Variants in LRBA observed in about 807,000 individuals in gnomAD.
The protein encoded by LRBA is lipopolysaccharide-responsive and beige-like anchor protein.
A neutral mutation model predicts 330.0 loss-of-function variants in LRBA; 176 were observed. The observed-to-expected ratio is 0.53, with a 90% confidence interval of 0.47 to 0.60. The LOEUF is 0.60. Ranked by LOEUF, LRBA falls within the 20% of genes least tolerant of loss-of-function variation. The probability of loss-of-function intolerance (pLI) is 0.00; values close to 1 mark genes in which losing one functional copy is unlikely to be tolerated. For missense variants in LRBA, 3,259 were observed against 3,444.8 expected (o/e 0.95, Z 1.35); for synonymous variants, 1,230 against 1,193.0 (o/e 1.03, Z -0.64).
At chr4:150,865,980 T>C (rs1467872140) in intron 22 of LRBA, among the ~76,000 whole-genome samples, 3 of 152,150 alleles carry the variant, frequency 2.0e-5, no homozygotes, top group Non-Finnish European at 4.4e-5. Context: ...CCTCCCAAAG[T>C]GCTGGGATTA....
intron 42 of LRBA, among the ~76,000 whole-genome samples, chr4:150,487,466 C>A (rs572680350): frequency 3.6e-4 from 55 of 151,386 alleles, no homozygotes; most frequent in African/African-American, 1.0e-3. Flanking sequence ...AGACACCATA[C>A]CCTATGCTAG....
intron 20 of LRBA, 117 bp downstream of exon 20, chr4:150,870,408 C>A: frequency 2.9e-6 from 2 of 695,318 alleles, no homozygotes; most frequent in East Asian, 2.6e-5. Context: ...TATCATCACC[C>A]TTAATGAAAC....
chr4:150,282,446 T>G lies in LRBA; in HGVS notation c.8316+4A>C. 1.2e-6 allele frequency: 2 copies of G among 1,612,836 alleles called. No homozygotes were observed. The highest frequency in any genetic ancestry group is 2.2e-5 in the South Asian group (2 of 90,766). On this transcript the variant is annotated splice_donor_region_variant and intron_variant, in intron 55 of 56. Coordinates refer to ENST00000651943, the MANE Select transcript of LRBA (RefSeq NM_001364905.1). The stretch of plus-strand genomic sequence containing the variant: ...GAATGCTGAAGAGTCCCCAGGGCAC[T>G]CACTCTTATGTTATCATCTGTTTCC...
chr4:150,600,210 A>G (rs998120419), intron 37 of LRBA, among the ~76,000 whole-genome samples: 4 of 152,142 alleles, frequency 2.6e-5, no homozygotes, highest in Admixed American at 6.5e-5. Flanking sequence ...TGTAAGTTTC[A>G]ATAATGAAAT....
At chr4:150,636,723 C>T (rs1463020470) in intron 37 of LRBA, among the ~76,000 whole-genome samples, 1 of 152,242 alleles carries the variant, frequency 6.6e-6, no homozygotes, top group Non-Finnish European at 1.5e-5. Context: ...TCACGATTCA[C>T]TGCAGCCTCA....
At chr4:150,416,975 T>C (rs1000809633) in intron 46 of LRBA, among the ~76,000 whole-genome samples, 23 of 110,882 alleles carry the variant, frequency 2.1e-4, no homozygotes, top group Non-Finnish European at 3.8e-4. Flanking sequence ...TGTCCAACGT[T>C]ACCAGTTGGA....
chr4:150,886,965 A>T (rs1021841785), intron 17 of LRBA, among the ~76,000 whole-genome samples: 2 of 152,248 alleles, frequency 1.3e-5, no homozygotes, highest in Admixed American at 1.3e-4. Context: ...AAAGGTTAAC[A>T]AAGTCTAAAT....
intron 19 of LRBA, among the ~76,000 whole-genome samples, chr4:150,870,935 A>G (rs749661736): frequency 5.9e-5 from 9 of 152,208 alleles, no homozygotes; most frequent in Non-Finnish European, 1.3e-4. Context: ...ATCATTTCAA[A>G]GCTGTACATT....
At chr4:150,451,142 T>C (rs1753295508) in intron 44 of LRBA, among the ~76,000 whole-genome samples, 1 of 152,170 alleles carries the variant, frequency 6.6e-6, no homozygotes, top group African/African-American at 2.4e-5. Context: ...TCTTTCAGGA[T>C]TCAACAGGAC....
chr4:150,611,624 C>T (rs539045901), intron 37 of LRBA, among the ~76,000 whole-genome samples: 1 of 152,228 alleles, frequency 6.6e-6, no homozygotes, highest in South Asian at 2.1e-4. Context: ...CCAGCATTAG[C>T]ATCACTCAAA....
chr4:150,866,730 T>TA (rs1752737715), intron 22 of LRBA, among the ~76,000 whole-genome samples: 2 of 152,102 alleles, frequency 1.3e-5, no homozygotes, highest in South Asian at 4.1e-4. Context: ...GGTAAATAAA[T>TA]AGTCATGTCA....
At chr4:150,665,249 T>G in intron 37 of LRBA, among the ~76,000 whole-genome samples, 1 of 152,198 alleles carries the variant, frequency 6.6e-6, no homozygotes, top group East Asian at 1.9e-4. Context: ...TTAGGGACCC[T>G]CTGTCTAGTA....
chr4:150,389,666 G>A (rs1197671118), intron 47 of LRBA, among the ~76,000 whole-genome samples: 1 of 101,760 alleles, frequency 9.8e-6, no homozygotes, highest in African/African-American at 3.7e-5. Context: ...GACAGAGCAA[G>A]ACTCTGTCTC....
At chr4:150,267,490 C>CAACA (rs947680494) in intron 56 of LRBA, among the ~76,000 whole-genome samples, 1 of 151,954 alleles carries the variant, frequency 6.6e-6, no homozygotes, top group Non-Finnish European at 1.5e-5. Context: ...AAAGGAAATA[C>CAACA]AACAAGCCAA....
intron 30 of LRBA, among the ~76,000 whole-genome samples, chr4:150,823,775 G>T (rs951925547): frequency 6.6e-6 from 1 of 151,958 alleles, no homozygotes; most frequent in Non-Finnish European, 1.5e-5. Flanking sequence ...TAGACGTGTG[G>T]ATTTATTTGA....
intron 37 of LRBA, among the ~76,000 whole-genome samples, chr4:150,628,504 T>C (rs1051593234): frequency 6.6e-6 from 1 of 152,210 alleles, no homozygotes; most frequent in African/African-American, 2.4e-5. Flanking sequence ...ATACCAACGA[T>C]ATTACTGAGT....
chr4:150,822,042 C>G (rs1016480556), intron 30 of LRBA, among the ~76,000 whole-genome samples: 1 of 151,990 alleles, frequency 6.6e-6, no homozygotes, highest in African/African-American at 2.4e-5. Context: ...AGATATTCCA[C>G]TAGCCCAAGG....
intron 37 of LRBA, among the ~76,000 whole-genome samples, chr4:150,657,649 A>T (rs908325128): frequency 1.3e-5 from 2 of 152,062 alleles, no homozygotes; most frequent in African/African-American, 2.4e-5. Flanking sequence ...TTAATATTTT[A>T]AAAGGGGGTT....
chr4:150,842,741 TCTTA>T (rs1749276669), intron 28 of LRBA, among the ~76,000 whole-genome samples: 1 of 152,292 alleles, frequency 6.6e-6, no homozygotes, highest in Middle Eastern at 3.4e-3. Flanking sequence ...CACTTTCACC[TCTTA>T]CTAATTGTAT....
Sources: gnomAD v4.1 joint callset for allele counts (sites outside exome capture counted in the v4.1 genomes callset) on GRCh38, gnomAD v4.1.1 for gene constraint, MANE v1.5 for transcripts, NCBI Gene and HGNC (gene_info 2026-07-23, HGNC 2026-07-21) for gene names.